Variants in TNFSF4 observed in about 807,000 individuals in gnomAD.
TNFSF4 encodes tumor necrosis factor ligand superfamily member 4.
A neutral mutation model predicts 7.3 loss-of-function variants in TNFSF4; 4 were observed. The ratio of observed to expected loss-of-function variants is 0.55; its 90% confidence interval spans 0.27 to 1.25. The LOEUF is 1.25. Among genes scored for constraint, TNFSF4 ranks in the 50% most tolerant of loss-of-function variants. The probability of loss-of-function intolerance (pLI) is 0.12; values close to 1 mark genes in which losing one functional copy is unlikely to be tolerated. For missense variants in TNFSF4, 181 were observed against 208.8 expected (o/e 0.87, Z 0.82); for synonymous variants, 76 against 83.7 (o/e 0.91, Z 0.50).
the TNFSF4 span, among the ~76,000 whole-genome samples, chr1:173,366,296 G>C: frequency 6.6e-6 from 1 of 152,080 alleles, no homozygotes; most frequent in Non-Finnish European, 1.5e-5. Context: ...AGCACTATTT[G>C]GCCATAAAAA....
chr1:173,360,640 C>T, the TNFSF4 span, among the ~76,000 whole-genome samples: 2 of 152,052 alleles, frequency 1.3e-5, no homozygotes, highest in African/African-American at 4.8e-5. Context: ...TATGGTACTG[C>T]AAGTGACAGA....
chr1:173,216,924 GT>G, the TNFSF4 span, among the ~76,000 whole-genome samples: 5 of 151,972 alleles, frequency 3.3e-5, no homozygotes, highest in East Asian at 9.7e-4. Flanking sequence ...ATTCGCCCTG[GT>G]TATATTTGGA....
At chr1:173,207,369 AC>A (rs1650242394), upstream of TNFSF4, 1 of 437,732 alleles carries the variant, frequency 2.3e-6, no homozygotes, top group African/African-American at 2.0e-5. Flanking sequence ...TAACGCTGCA[AC>A]TTTTGCAGGC....
chr1:173,313,322 A>G, the TNFSF4 span, among the ~76,000 whole-genome samples: 2 of 152,150 alleles, frequency 1.3e-5, no homozygotes, highest in Non-Finnish European at 2.9e-5. Flanking sequence ...TAAAGATAAT[A>G]CAGAATTCAT....
the TNFSF4 span, among the ~76,000 whole-genome samples, chr1:173,347,951 G>A: frequency 2.0e-5 from 3 of 152,218 alleles, no homozygotes; most frequent in Non-Finnish European, 4.4e-5. Flanking sequence ...CCTGGCAGGG[G>A]AAGGGGACAA....
At chr1:173,405,750 C>T in the TNFSF4 span, among the ~76,000 whole-genome samples, 1 of 152,190 alleles carries the variant, frequency 6.6e-6, no homozygotes, top group Admixed American at 6.5e-5. Context: ...AGATGGTAAA[C>T]AATTCTGGCC....
At chr1:173,359,473 AAAAAG>A in the TNFSF4 span, among the ~76,000 whole-genome samples, 1,888 of 82,996 alleles carry the variant, frequency 0.023, 52 homozygotes, top group African/African-American at 0.062. Flanking sequence ...AAAGAAAAGA[AAAAAG>A]AAAAATTCAA....
At chr1:173,339,471 C>T in the TNFSF4 span, among the ~76,000 whole-genome samples, 2 of 152,130 alleles carry the variant, frequency 1.3e-5, no homozygotes, top group Non-Finnish European at 2.9e-5. Flanking sequence ...CCAGCTATGA[C>T]AATGTGATGT....
At chr1:173,428,858 G>A in the TNFSF4 span, among the ~76,000 whole-genome samples, 1 of 151,998 alleles carries the variant, frequency 6.6e-6, no homozygotes, top group Admixed American at 6.6e-5. Context: ...TACAAAACTT[G>A]TGGCCAGGCA....
downstream of TNFSF4, among the ~76,000 whole-genome samples, chr1:173,183,532 A>G (rs1045302168): frequency 5.3e-5 from 8 of 152,324 alleles, no homozygotes; most frequent in East Asian, 7.7e-4. Flanking sequence ...GAGGGACTCT[A>G]AGGACCTCCA....
chr1:173,422,139 TGC>T, the TNFSF4 span, among the ~76,000 whole-genome samples: 1 of 151,982 alleles, frequency 6.6e-6, no homozygotes, highest in Non-Finnish European at 1.5e-5. Flanking sequence ...ACATGCAAAG[TGC>T]TTAGAACAGT....
the TNFSF4 span, among the ~76,000 whole-genome samples, chr1:173,355,125 G>A: frequency 6.6e-6 from 1 of 152,104 alleles, no homozygotes; most frequent in Non-Finnish European, 1.5e-5. Flanking sequence ...CACCAGCAAT[G>A]GCATTATTCT....
chr1:173,281,050 C>CA, the TNFSF4 span, among the ~76,000 whole-genome samples: 16 of 151,752 alleles, frequency 1.1e-4, no homozygotes, highest in African/African-American at 3.9e-4. Flanking sequence ...TGTTGAGTCT[C>CA]AAAAAAATGG....
the TNFSF4 span, among the ~76,000 whole-genome samples, chr1:173,278,718 C>G: frequency 6.6e-6 from 1 of 152,020 alleles, no homozygotes; most frequent in East Asian, 1.9e-4. Flanking sequence ...ATGGGAGGCA[C>G]AGCAAGGGGA....
the TNFSF4 span, among the ~76,000 whole-genome samples, chr1:173,364,193 T>C: frequency 6.8e-6 from 1 of 147,160 alleles, no homozygotes; most frequent in Non-Finnish European, 1.5e-5. Context: ...AATTATACTA[T>C]ATCTATATTT....
chr1:173,346,089 T>C, the TNFSF4 span, among the ~76,000 whole-genome samples: 8 of 152,082 alleles, frequency 5.3e-5, no homozygotes, highest in Non-Finnish European at 1.0e-4. Context: ...GGACCTAAAA[T>C]GAAGCCTGAT....
At chr1:173,401,941 T>C in the TNFSF4 span, among the ~76,000 whole-genome samples, 1 of 152,226 alleles carries the variant, frequency 6.6e-6, no homozygotes, top group Non-Finnish European at 1.5e-5. Flanking sequence ...ATTTTTGCCT[T>C]GTTATGTGGC....
At chr1:173,173,204 CT>C in the TNFSF4 span, among the ~76,000 whole-genome samples, 1 of 152,186 alleles carries the variant, frequency 6.6e-6, no homozygotes. Context: ...CATTCTACCC[CT>C]GGTCCCTCCC....
chr1:173,374,496 G>A, the TNFSF4 span, among the ~76,000 whole-genome samples: 1 of 152,128 alleles, frequency 6.6e-6, no homozygotes, highest in African/African-American at 2.4e-5. Flanking sequence ...GTAAGCTCAG[G>A]AGACCCAAGA....
Sources: allele counts gnomAD v4.1 joint callset (sites outside exome capture counted in the v4.1 genomes callset), GRCh38; gene constraint gnomAD v4.1.1; transcripts MANE v1.5; gene names NCBI Gene and HGNC (gene_info 2026-07-23, HGNC 2026-07-21).